The following SKIC3 variants were observed in gnomAD, a reference collection of about 807,000 sequenced individuals.
SKIC3 encodes the protein superkiller complex protein 3.
the SKIC3 span, chr5:95,494,977 G>A: frequency 4.3e-6 from 7 of 1,613,540 alleles, no homozygotes; most frequent in Non-Finnish European, 5.9e-6. Flanking sequence ...TCCATGATTT[G>A]AGTCCAGAAT....
chr5:95,484,879 T>C, the SKIC3 span: 8 of 1,608,696 alleles, frequency 5.0e-6, no homozygotes, highest in Non-Finnish European at 5.1e-6. Flanking sequence ...TACTTTCTTC[T>C]GCAATTTATA....
chr5:95,525,134 T>C, the SKIC3 span, among the ~76,000 whole-genome samples: 4 of 152,032 alleles, frequency 2.6e-5, no homozygotes, highest in Admixed American at 2.6e-4. Context: ...TCACCTGCCT[T>C]GGCCTCCCAA....
At chr5:95,466,326 G>A in the SKIC3 span, among the ~76,000 whole-genome samples, 36,544 of 151,926 alleles carry the variant, frequency 0.24, 5,721 homozygotes, top group African/African-American at 0.44. Flanking sequence ...AAGATAATAC[G>A]AACATTCCAT....
At chr5:95,518,417 C>G in the SKIC3 span, among the ~76,000 whole-genome samples, 1 of 151,994 alleles carries the variant, frequency 6.6e-6, no homozygotes, top group African/African-American at 2.4e-5. Flanking sequence ...TCCTATCTAG[C>G]GTAATTTTGT....
At chr5:95,534,723 T>C in the SKIC3 span, among the ~76,000 whole-genome samples, 2 of 152,224 alleles carry the variant, frequency 1.3e-5, no homozygotes, top group South Asian at 2.1e-4. Context: ...TTTTCATCTC[T>C]TTCCCTCCAA....
the SKIC3 span, among the ~76,000 whole-genome samples, chr5:95,504,177 A>G: frequency 6.6e-6 from 1 of 152,070 alleles, no homozygotes; most frequent in Non-Finnish European, 1.5e-5. Flanking sequence ...CTCTACTAAA[A>G]ATACAAAAAT....
chr5:95,531,933 A>C, the SKIC3 span, among the ~76,000 whole-genome samples: 1 of 152,114 alleles, frequency 6.6e-6, no homozygotes. Context: ...TACCATTATG[A>C]ACTGATATTC....
the SKIC3 span, among the ~76,000 whole-genome samples, chr5:95,540,231 T>C: frequency 4.6e-5 from 7 of 152,256 alleles, no homozygotes; most frequent in East Asian, 1.2e-3. Flanking sequence ...CGTGAACATA[T>C]GATAAGAACA....
At chr5:95,524,738 T>C in the SKIC3 span, 33 of 1,133,282 alleles carry the variant, frequency 2.9e-5, no homozygotes, top group Non-Finnish European at 4.0e-5. Context: ...TTAGGATTTA[T>C]ATTATCATAA....
chr5:95,526,214 C>T, the SKIC3 span, among the ~76,000 whole-genome samples: 1 of 151,858 alleles, frequency 6.6e-6, no homozygotes, highest in Admixed American at 6.6e-5. Context: ...ATGATAATGC[C>T]TTGTCTCTTT....
the SKIC3 span, chr5:95,514,732 CACAGTG>C: frequency 1.6e-5 from 15 of 916,302 alleles, no homozygotes; most frequent in Admixed American, 3.2e-4. Flanking sequence ...AAGAGCTAAG[CACAGTG>C]ACTGGCACAA....
the SKIC3 span, chr5:95,498,408 A>C: frequency 6.2e-7 from 1 of 1,614,212 alleles, no homozygotes; most frequent in African/African-American, 1.3e-5. Flanking sequence ...GCACAGCCAC[A>C]CTGCGGCCTT....
the SKIC3 span, among the ~76,000 whole-genome samples, chr5:95,520,267 G>A: frequency 6.6e-6 from 1 of 151,552 alleles, no homozygotes; most frequent in African/African-American, 2.4e-5. Flanking sequence ...CTCCTCAGGA[G>A]CAATCAGATT....
the SKIC3 span, among the ~76,000 whole-genome samples, chr5:95,503,376 T>C: frequency 1.3e-5 from 2 of 152,240 alleles, no homozygotes; most frequent in South Asian, 4.1e-4. Flanking sequence ...GATATTTCAA[T>C]GCTCTATACA....
the SKIC3 span, chr5:95,517,111 TC>T: frequency 6.2e-7 from 1 of 1,613,500 alleles, no homozygotes; most frequent in Non-Finnish European, 8.5e-7. Context: ...TTAATTCAAT[TC>T]AAATGTTATT....
chr5:95,553,583 G>A, the SKIC3 span, among the ~76,000 whole-genome samples: 1 of 151,148 alleles, frequency 6.6e-6, no homozygotes, highest in South Asian at 2.1e-4. Flanking sequence ...TTTTTGAGAT[G>A]GAGTTTTGCT....
the SKIC3 span, among the ~76,000 whole-genome samples, chr5:95,530,682 C>A: frequency 6.6e-6 from 1 of 152,208 alleles, no homozygotes; most frequent in Non-Finnish European, 1.5e-5. Context: ...GGTTACTCAT[C>A]AGGACACTGC....
At chr5:95,517,908 G>C in the SKIC3 span, among the ~76,000 whole-genome samples, 1 of 152,008 alleles carries the variant, frequency 6.6e-6, no homozygotes, top group Non-Finnish European at 1.5e-5. Context: ...GAATGGGTTA[G>C]TTGTCACAGG....
At chr5:95,547,302 T>C in the SKIC3 span, 18 of 676,472 alleles carry the variant, frequency 2.7e-5, no homozygotes, top group East Asian at 4.6e-4. Flanking sequence ...ACACAGTTTA[T>C]TCCTTAACCT....
Sources: gnomAD v4.1 joint callset for allele counts (sites outside exome capture counted in the v4.1 genomes callset) on GRCh38, gnomAD v4.1.1 for gene constraint, MANE v1.5 for transcripts, NCBI Gene and HGNC (gene_info 2026-07-23, HGNC 2026-07-21) for gene names.